The following TMEM108 variants were observed in gnomAD, a reference collection of about 807,000 sequenced individuals.
The protein encoded by TMEM108 is transmembrane protein 108, also known as cancer/testis antigen 124.
In TMEM108, 12 loss-of-function variants were observed where a neutral mutation model predicts 35.1. The observed-to-expected ratio is 0.34, with a 90% confidence interval of 0.22 to 0.55. TMEM108 has a LOEUF of 0.55. TMEM108 is among the 20% of genes least tolerant of loss of function. TMEM108 has a pLI of 0.89. For synonymous variants in TMEM108, 287 were observed against 308.6 expected, an observed-to-expected ratio of 0.93 and a Z score of 0.73; for missense variants, 680 against 753.3, an observed-to-expected ratio of 0.90 and a Z score of 1.14.
intron 3 of TMEM108, among the ~76,000 whole-genome samples, chr3:133,231,298 A>G (rs565671006): frequency 5.3e-5 from 8 of 152,232 alleles, no homozygotes; most frequent in Non-Finnish European, 8.8e-5. Context: ...ATTATTACAT[A>G]ACAAACTAGT....
chr3:133,262,872 C>T (rs543917469), intron 3 of TMEM108, among the ~76,000 whole-genome samples: 5 of 152,300 alleles, frequency 3.3e-5, no homozygotes, highest in Admixed American at 6.5e-5. Context: ...TTCTGACAGG[C>T]GTCTTTTCCA....
intron 2 of TMEM108, among the ~76,000 whole-genome samples, chr3:133,163,668 A>G (rs1944993784): frequency 6.6e-6 from 1 of 152,172 alleles, no homozygotes; most frequent in Non-Finnish European, 1.5e-5. Flanking sequence ...TAAATGAACT[A>G]CAGCTGCAGC....
intron 3 of TMEM108, among the ~76,000 whole-genome samples, chr3:133,260,301 AAAAT>A (rs1157125568): frequency 6.6e-6 from 1 of 151,946 alleles, no homozygotes; most frequent in South Asian, 2.1e-4. Flanking sequence ...AAAAAAAAAA[AAAAT>A]TTATTATCAG....
chr3:133,106,922 T>A (rs954187903), intron 2 of TMEM108, among the ~76,000 whole-genome samples: 17 of 152,230 alleles, frequency 1.1e-4, no homozygotes, highest in Non-Finnish European at 2.5e-4. Context: ...AGACGTTTAT[T>A]GTTGTTTTGA....
At chr3:133,313,352 C>T (rs2071158102) in intron 3 of TMEM108, among the ~76,000 whole-genome samples, 1 of 152,086 alleles carries the variant, frequency 6.6e-6, no homozygotes, top group Non-Finnish European at 1.5e-5. Context: ...TGCCCACCAC[C>T]ACGCCTGGCT....
rs539382422 is a variant in TMEM108, at chr3:133,297,799, G to C, written c.40+68448G>C. On this transcript the variant is annotated intron_variant, in intron 3 of 5. Transcript: ENST00000321871. ...TGCTGTATTCATGTTGCTTTACACTGCAGAACAAGCACCCCTCCAGGCGAA... is the reference window on the plus strand; with the variant it reads ...TGCTGTATTCATGTTGCTTTACACTCCAGAACAAGCACCCCTCCAGGCGAA... Among the ~76,000 whole-genome samples the C allele has an allele frequency of 1.2e-4, 19 of 152,264 alleles. No homozygotes were observed. The South Asian group carries it at 2.3e-3, about 18-fold the overall frequency.
At chr3:133,121,941 T>C (rs1479564497) in intron 2 of TMEM108, among the ~76,000 whole-genome samples, 1 of 152,228 alleles carries the variant, frequency 6.6e-6, no homozygotes, top group Non-Finnish European at 1.5e-5. Context: ...TTCCATGTTC[T>C]TGTTATTGAG....
intron 2 of TMEM108, among the ~76,000 whole-genome samples, chr3:133,079,585 C>T (rs114801200): frequency 0.015 from 2,292 of 152,272 alleles, 45 homozygotes; most frequent in African/African-American, 0.051. Context: ...CAAGGGCACT[C>T]ATCCCATTCT....
At chr3:133,181,468 A>G (rs896556436) in intron 2 of TMEM108, among the ~76,000 whole-genome samples, 11 of 152,104 alleles carry the variant, frequency 7.2e-5, no homozygotes, top group African/African-American at 2.4e-4. Context: ...CCTTAGTTCT[A>G]TGCCTTTTGA....
At chr3:133,215,858 T>G (rs1945900495) in intron 2 of TMEM108, among the ~76,000 whole-genome samples, 1 of 152,166 alleles carries the variant, frequency 6.6e-6, no homozygotes, top group African/African-American at 2.4e-5. Context: ...GAGTATAGTT[T>G]TACCATTTTC....
chr3:133,205,950 T>C (rs1451329969), intron 2 of TMEM108, among the ~76,000 whole-genome samples: 1 of 152,238 alleles, frequency 6.6e-6, no homozygotes, highest in Non-Finnish European at 1.5e-5. Flanking sequence ...AAATATAGGT[T>C]GGTGTTTTCA....
At chr3:133,283,336 C>T (rs997428879) in intron 3 of TMEM108, among the ~76,000 whole-genome samples, 8 of 151,954 alleles carry the variant, frequency 5.3e-5, no homozygotes, top group Admixed American at 2.6e-4. Flanking sequence ...AATAATGCAA[C>T]GAAGATTTCA....
At chr3:133,074,847 C>T (rs1189174223) in intron 2 of TMEM108, among the ~76,000 whole-genome samples, 1 of 152,134 alleles carries the variant, frequency 6.6e-6, no homozygotes, top group Admixed American at 6.6e-5. Flanking sequence ...ATCCAAAATT[C>T]AGAGTAGATT....
chr3:133,058,999 A>C (rs1355574810), intron 2 of TMEM108, among the ~76,000 whole-genome samples: 1 of 152,230 alleles, frequency 6.6e-6, no homozygotes, highest in Non-Finnish European at 1.5e-5. Flanking sequence ...GAAGTCTGAG[A>C]TCAGGGTGCC....
intron 2 of TMEM108, among the ~76,000 whole-genome samples, chr3:133,113,386 T>C (rs930697610): frequency 2.0e-5 from 3 of 152,164 alleles, no homozygotes; most frequent in Admixed American, 1.3e-4. Context: ...AAAATAAGCA[T>C]TATAGAAGAA....
At chr3:133,333,791 C>T (rs1199621908) in intron 3 of TMEM108, among the ~76,000 whole-genome samples, 1 of 152,174 alleles carries the variant, frequency 6.6e-6, no homozygotes. Flanking sequence ...TGTGTATTTT[C>T]ATTGAGCATA....
At chr3:133,229,454 G>A (rs1030468794) in intron 3 of TMEM108, 103 bp downstream of exon 3, 117 of 1,017,810 alleles carry the variant, frequency 1.1e-4, no homozygotes, top group Middle Eastern at 4.3e-4. Flanking sequence ...TTGGATCGGT[G>A]AAAGAGGACA....
chr3:133,125,960 A>G lies in TMEM108; in HGVS notation c.-47+79940A>G, dbSNP rs537942272. ...TCAGTTCCTTTGATCTGGAACACCA[A>G]TGTCATTTTTACTTTACAGTTGACC... is the stretch of plus-strand genomic sequence containing the variant. On this transcript the variant is annotated intron_variant, in intron 2 of 5. Transcript: ENST00000321871. Among the ~76,000 whole-genome samples, 5 of 152,294 alleles carry G rather than the reference A, an allele frequency of 3.3e-5. No individual in the cohort carries two copies. The South Asian group carries it at 8.3e-4, about 25-fold the overall frequency.
chr3:133,322,096 A>C (rs1211336594), intron 3 of TMEM108, among the ~76,000 whole-genome samples: 1 of 152,194 alleles, frequency 6.6e-6, no homozygotes, highest in African/African-American at 2.4e-5. Context: ...ACAAAGAGAC[A>C]GTCTAAGGTT....
Sources: gnomAD v4.1 joint callset for allele counts (sites outside exome capture counted in the v4.1 genomes callset) on GRCh38, gnomAD v4.1.1 for gene constraint, MANE v1.5 for transcripts, NCBI Gene and HGNC (gene_info 2026-07-23, HGNC 2026-07-21) for gene names.